HLCS: variants seen among roughly 807,000 people sequenced by gnomAD.
HLCS encodes holocarboxylase synthetase.
In HLCS, 53 loss-of-function variants were observed where a neutral mutation model predicts 75.0. The ratio of observed to expected loss-of-function variants is 0.71; its 90% confidence interval spans 0.57 to 0.89. HLCS has a LOEUF of 0.89. Among genes scored for constraint, HLCS ranks in the 40% least tolerant of loss-of-function variants. The probability of loss-of-function intolerance (pLI) is 0.00; values close to 1 mark genes in which losing one functional copy is unlikely to be tolerated. For missense variants in HLCS, 966 were observed against 1,074.0 expected (o/e 0.90, Z 1.41); for synonymous variants, 431 against 428.6 (o/e 1.01, Z -0.07).
chr21:36,905,014 T>C (rs1326948089), intron 5 of HLCS, among the ~76,000 whole-genome samples: 3 of 152,234 alleles, frequency 2.0e-5, no homozygotes, highest in Non-Finnish European at 4.4e-5. Flanking sequence ...AAAACGTCAC[T>C]TCTATAGGGA....
chr21:36,823,797 A>G (rs1181571528), intron 6 of HLCS, among the ~76,000 whole-genome samples: 1 of 152,186 alleles, frequency 6.6e-6, no homozygotes, highest in Non-Finnish European at 1.5e-5. Context: ...TCTCTGCATT[A>G]GAGCTACATG....
At chr21:36,845,142 A>G (rs2062752697) in intron 6 of HLCS, among the ~76,000 whole-genome samples, 1 of 152,072 alleles carries the variant, frequency 6.6e-6, no homozygotes, top group Admixed American at 6.5e-5. Flanking sequence ...TTCTTCTTAA[A>G]TGGAAGAAAA....
Position 36,936,564 on chromosome 21 carries a change from C to T in HLCS, c.1322G>A (p.Gly441Asp), listed in dbSNP as rs745933069. 4.3e-6 allele frequency: 7 copies of T among 1,614,100 alleles called. No individual in the cohort carries two copies. Among genetic ancestry groups the T allele is most frequent in the African/African-American group, 1.3e-5 (1 of 74,938 alleles). The change falls in exon 4 of 11, where the codon GGC becomes GAC. Residue 441 changes from glycine (G) to aspartate (D), a missense_variant. Physicochemically the swap from Gly to Asp is moderately conservative, Grantham distance 94. Transcript: ENST00000674895. The stretch of plus-strand genomic sequence containing the variant: ...CCTGCCGGGGCTGAGCCGGACGGGG[C>T]CTTCCTGGTACCTGCAGCCACTGCT... Reference protein sequence around the residue: ...VLSSGCRYQEGPVRLSPGRLQ... With the variant: ...VLSSGCRYQEDPVRLSPGRLQ...
In HLCS at chr21:36,916,516, TA is replaced by T. The variant is rs770137833; in HGVS notation, c.1620+13734del. Among the ~76,000 whole-genome samples, 193 of 132,496 alleles carry T rather than the reference TA, an allele frequency of 1.5e-3. 3 individuals carry two copies. The highest frequency in any genetic ancestry group is 3.5e-3 in the African/African-American group (126 of 36,334). 86.9% of individuals were successfully genotyped at this position (132,496 alleles called of 152,430 possible). On this transcript the variant is annotated intron_variant, in intron 5 of 10. Transcript: ENST00000674895. Reference sequence around the variant, plus strand: ...ATAGGTGCACACCATCATGCCTAGCTAATTTTTTTTTTTTTTTTTTTTTTTT... The same window carrying T: ...ATAGGTGCACACCATCATGCCTAGCTATTTTTTTTTTTTTTTTTTTTTTTT...
chr21:36,923,635 C>T (rs1002831720), intron 5 of HLCS, among the ~76,000 whole-genome samples: 6 of 152,164 alleles, frequency 3.9e-5, no homozygotes, highest in African/African-American at 7.2e-5. Flanking sequence ...ACTCTGCAGG[C>T]GCTGCTTTGA....
intron 7 of HLCS, among the ~76,000 whole-genome samples, chr21:36,766,534 T>C (rs1321303867): frequency 6.6e-6 from 1 of 152,222 alleles, no homozygotes; most frequent in Non-Finnish European, 1.5e-5. Flanking sequence ...GCAGATTTCT[T>C]ATTTCTTTGG....
chr21:36,932,211 G>C (rs946078386), intron 4 of HLCS, among the ~76,000 whole-genome samples: 3 of 152,154 alleles, frequency 2.0e-5, no homozygotes, highest in Non-Finnish European at 4.4e-5. Context: ...ATTTATTTCA[G>C]TGTTTCAGTG....
intron 4 of HLCS, 100 bp from the exon 5 acceptor site, chr21:36,930,533 C>T: frequency 9.7e-7 from 1 of 1,028,434 alleles, no homozygotes. Context: ...AATTTAGAGA[C>T]AGGATCTCAT....
chr21:36,885,759 A>T (rs891870182), intron 6 of HLCS, among the ~76,000 whole-genome samples: 2 of 152,118 alleles, frequency 1.3e-5, no homozygotes, highest in African/African-American at 2.4e-5. Context: ...CATCTTCTCT[A>T]TTCCCCATGG....
In HLCS at chr21:36,748,730, G is replaced by A. The variant is rs973111044; in HGVS notation, c.*5516C>T. 1 of 152,572 alleles carries A rather than the reference G, an allele frequency of 6.6e-6. No individual in the cohort carries two copies. The highest frequency in any genetic ancestry group is 2.4e-5 in the African/African-American group (1 of 41,404). The allele number at this position is 152,572 out of a possible 1,614,324, so 9.5% of individuals were successfully genotyped here. A position where few individuals can be genotyped will look rare whatever the true frequency, so the allele number is the denominator to read the frequency against. ...ATTCCATTTTGTGTCTGTGAACATAGGTGTGCTTCCCAAATACATTAACAA... is the reference window on the plus strand; with the variant it reads ...ATTCCATTTTGTGTCTGTGAACATAAGTGTGCTTCCCAAATACATTAACAA... On this transcript the variant is annotated 3_prime_UTR_variant, in exon 11 of 11. Transcript: ENST00000674895.
chr21:36,774,644 C>T (rs1003103666), intron 6 of HLCS, among the ~76,000 whole-genome samples: 12 of 152,128 alleles, frequency 7.9e-5, no homozygotes, highest in East Asian at 3.9e-4. Flanking sequence ...AAATTCTATA[C>T]GTGATGCCTC....
At chr21:36,754,828 T>C (rs958623765) in intron 10 of HLCS, among the ~76,000 whole-genome samples, 1 of 152,222 alleles carries the variant, frequency 6.6e-6, no homozygotes, top group African/African-American at 2.4e-5. Flanking sequence ...AGTTGGCTCA[T>C]ATCAGCCACA....
At chr21:36,856,118 G>A (rs1311229995) in intron 6 of HLCS, among the ~76,000 whole-genome samples, 2 of 152,042 alleles carry the variant, frequency 1.3e-5, no homozygotes, top group Non-Finnish European at 2.9e-5. Context: ...TTCTTTTTGG[G>A]GTGATTTTAA....
chr21:36,931,745 T>A (rs1268829301), intron 4 of HLCS, among the ~76,000 whole-genome samples: 4 of 144,862 alleles, frequency 2.8e-5, no homozygotes, highest in Non-Finnish European at 6.0e-5. Flanking sequence ...TGCGACCATT[T>A]AAAAAGAAAA....
At chr21:36,960,199 C>G (rs1014653571) in intron 2 of HLCS, among the ~76,000 whole-genome samples, 2 of 146,152 alleles carry the variant, frequency 1.4e-5, no homozygotes, top group Admixed American at 1.5e-4. Flanking sequence ...CAGCTTGCCC[C>G]TGGTAGGTGT....
At chr21:36,821,560 T>C (rs1948646223) in intron 6 of HLCS, among the ~76,000 whole-genome samples, 1 of 152,240 alleles carries the variant, frequency 6.6e-6, no homozygotes, top group Non-Finnish European at 1.5e-5. Context: ...CCTCCTGCTC[T>C]GCGCTTTGCT....
chr21:36,921,407 T>C (rs566453024), intron 5 of HLCS, among the ~76,000 whole-genome samples: 6 of 150,252 alleles, frequency 4.0e-5, no homozygotes, highest in East Asian at 3.9e-4. Context: ...ATCGTGCCAC[T>C]GCACTCCAGC....
At chr21:36,801,297 T>C (rs2061192997) in intron 6 of HLCS, among the ~76,000 whole-genome samples, 1 of 152,230 alleles carries the variant, frequency 6.6e-6, no homozygotes, top group Admixed American at 6.5e-5. Context: ...AAATTGATTT[T>C]AGTAGTTGCC....
chr21:36,934,921 T>C (rs971201790), intron 4 of HLCS, among the ~76,000 whole-genome samples: 9 of 152,344 alleles, frequency 5.9e-5, no homozygotes, highest in African/African-American at 1.9e-4. Context: ...ATTCTAATCC[T>C]CTGAATCTGA....
Sources: gnomAD v4.1 joint callset for allele counts (sites outside exome capture counted in the v4.1 genomes callset) on GRCh38, gnomAD v4.1.1 for gene constraint, MANE v1.5 for transcripts, NCBI Gene and HGNC (gene_info 2026-07-23, HGNC 2026-07-21) for gene names.